NKD2: variants seen among roughly 807,000 people sequenced by gnomAD.
The protein encoded by NKD2 is protein naked cuticle homolog 2.
A neutral mutation model predicts 34.8 loss-of-function variants in NKD2; 43 were observed. That is an observed-to-expected ratio of 1.24 (90% CI 0.97 to 1.60). The LOEUF (loss-of-function observed/expected upper bound fraction) is 1.60. NKD2 is among the 40% of genes most tolerant of loss of function. NKD2 has a pLI of 0.00. For synonymous variants in NKD2, 278 were observed against 265.1 expected (o/e 1.05, Z -0.47); for missense variants, 675 against 627.1 (o/e 1.08, Z -0.82).
At chr5:1,029,949 G>A (rs1259439729) in intron 3 of NKD2, among the ~76,000 whole-genome samples, 1 of 151,798 alleles carries the variant, frequency 6.6e-6, no homozygotes, top group Non-Finnish European at 1.5e-5. Flanking sequence ...CACCATGCAG[G>A]AGGCCTGAGC....
At chr5:1,015,686 C>T (rs1306600566) in intron 3 of NKD2, among the ~76,000 whole-genome samples, 1 of 152,210 alleles carries the variant, frequency 6.6e-6, no homozygotes, top group African/African-American at 2.4e-5. Flanking sequence ...CGGTCCTGCC[C>T]GCACATGCTG....
At chr5:1,037,619 G>T (rs1394099241) in intron 9 of NKD2, 186 bp from the exon 10 acceptor site, 67 of 1,535,790 alleles carry the variant, frequency 4.4e-5, no homozygotes, top group Non-Finnish European at 5.6e-5. Flanking sequence ...AGCCAGGCAG[G>T]TCACCCACAG....
rs1312961590 is a variant in NKD2 at position 1,008,820 on chromosome 5, G to T, written c.-238G>T. Reference sequence around the variant, plus strand: ...CGCGCTCAGAGGGAGCCGGGCCGCCGTCGCTGCCGCCGCTGTCCCCGCGCC... The same window carrying T: ...CGCGCTCAGAGGGAGCCGGGCCGCCTTCGCTGCCGCCGCTGTCCCCGCGCC... On this transcript the variant is annotated 5_prime_UTR_variant, in exon 1 of 10. Coordinates refer to ENST00000296849, the MANE Select transcript of NKD2 (RefSeq NM_033120.4). 8.0e-6 allele frequency: 2 copies of T among 250,344 alleles called. No individual in the cohort carries two copies. Among genetic ancestry groups the T allele is most frequent in the Non-Finnish European group, 1.5e-5 (2 of 133,290 alleles). The allele number at this position is 250,344 out of a possible 1,614,324, so 15.5% of individuals were successfully genotyped here. A position where few individuals can be genotyped will look rare whatever the true frequency, so the allele number is the denominator to read the frequency against.
chr5:1,020,456 C>G (rs1014874527), intron 3 of NKD2, among the ~76,000 whole-genome samples: 2 of 152,120 alleles, frequency 1.3e-5, no homozygotes, highest in African/African-American at 4.8e-5. Flanking sequence ...TCAGCCTCAG[C>G]CACACCTAGC....
intron 3 of NKD2, among the ~76,000 whole-genome samples, chr5:1,026,496 A>C (rs1393166857): frequency 9.9e-6 from 1 of 100,590 alleles, no homozygotes. Flanking sequence ...TGGGCGTCTC[A>C]GCCCATTGTC....
chr5:1,035,362 T>G (rs199764725), intron 7 of NKD2, 27 bp from the exon 8 acceptor site: 52 of 1,528,792 alleles, frequency 3.4e-5, no homozygotes, highest in South Asian at 4.8e-5. Flanking sequence ...AGGGAGGGAG[T>G]GAGTAATGGC....
At chr5:1,018,947 G>A (rs2150731616) in intron 3 of NKD2, among the ~76,000 whole-genome samples, 1 of 152,314 alleles carries the variant, frequency 6.6e-6, no homozygotes, top group Middle Eastern at 3.4e-3. Context: ...GGGGCATCTA[G>A]GGGAGCAGCA....
intron 3 of NKD2, among the ~76,000 whole-genome samples, chr5:1,031,696 C>T (rs779144090): frequency 7.9e-5 from 12 of 152,278 alleles, no homozygotes; most frequent in African/African-American, 2.2e-4. Flanking sequence ...TGGTCTCGGC[C>T]GGCAGCCCTA....
At chr5:1,020,725 G>T (rs532484366) in intron 3 of NKD2, among the ~76,000 whole-genome samples, 13 of 151,092 alleles carry the variant, frequency 8.6e-5, no homozygotes, top group African/African-American at 3.2e-4. Flanking sequence ...TATTTCATGG[G>T]CAGGGCAGCC....
At chr5:1,012,362 G>A (rs1579244601) in intron 3 of NKD2, among the ~76,000 whole-genome samples, 1 of 152,362 alleles carries the variant, frequency 6.6e-6, no homozygotes, top group Non-Finnish European at 1.5e-5. Flanking sequence ...GGCCTGCACG[G>A]GGGGCTCTTG....
chr5:1,027,696 C>T (rs975522854), intron 3 of NKD2, among the ~76,000 whole-genome samples: 39 of 152,336 alleles, frequency 2.6e-4, no homozygotes, highest in African/African-American at 8.4e-4. Context: ...TGTGGACACC[C>T]GTGTGTTTCC....
chr5:1,021,620 A>G (rs1364203620), intron 3 of NKD2, among the ~76,000 whole-genome samples: 1 of 151,934 alleles, frequency 6.6e-6, no homozygotes, highest in African/African-American at 2.4e-5. Flanking sequence ...CTGTTTAGCC[A>G]TTGAAACCGA....
At position 1,009,545 on chromosome 5, in the gene NKD2, C is replaced by T; in HGVS notation, c.126C>T (p.Arg42=). The T allele has an allele frequency of 2.7e-6, 4 of 1,491,438 alleles. No homozygotes were observed. Among genetic ancestry groups the T allele is most frequent in the Non-Finnish European group, 3.5e-6 (4 of 1,129,574 alleles). 92.4% of individuals were successfully genotyped at this position (1,491,438 alleles called of 1,614,324 possible). A position where few individuals can be genotyped will look rare whatever the true frequency, so the allele number is the denominator to read the frequency against. ...AAGGCGCGGAGGAAGCGGAGCGGCG[C>T]GCGCGGGACAAGCAGGTAGGCGGCG... ...GRKGAEEAER[R]ARDKQELPNG... is the part of the protein sequence containing the mutation. Residue 42 remains arginine (R), a synonymous_variant, in exon 3 of 10, where the codon CGC becomes CGT. Coordinates refer to ENST00000296849, the MANE Select transcript of NKD2 (RefSeq NM_033120.4). The surrounding 1 kb of genome is among the most constrained non-coding windows in gnomAD (Gnocchi z 6.9).
chr5:1,030,017 G>GT (rs1227080789), intron 3 of NKD2, among the ~76,000 whole-genome samples: 3 of 142,692 alleles, frequency 2.1e-5, no homozygotes, highest in Non-Finnish European at 3.2e-5. Flanking sequence ...TTGTGGTGCG[G>GT]GGGGGGGGGT....
rs1440997007 is a variant in NKD2, at chr5:1,033,504, G to T, written c.330+5G>T. 26 of 1,546,810 alleles carry T rather than the reference G, an allele frequency of 1.7e-5. No individual in the cohort carries two copies. Among genetic ancestry groups the T allele is most frequent in the Non-Finnish European group, 2.2e-5 (25 of 1,144,582 alleles). On this transcript the variant is annotated splice_donor_5th_base_variant and intron_variant, in intron 5 of 9. Coordinates refer to ENST00000296849, the MANE Select transcript of NKD2 (RefSeq NM_033120.4). ...GGGCAGCGCCTCAACATTGACGTGG[G>T]TCTCTCTCCGGCCTCACTTGCGGGA... is the stretch of plus-strand genomic sequence containing the variant.
Position 1,020,221 on chromosome 5 carries a change from A to C in NKD2, c.141+10661A>C, listed in dbSNP as rs79511921. 4.2e-3 allele frequency among the ~76,000 whole-genome samples: 644 copies of C among 152,304 alleles called. 4 individuals are homozygous for C. Among genetic ancestry groups the C allele is most frequent in the Admixed American group, 6.9e-3 (105 of 15,302 alleles). ...ATGCTGAGAGTTGAAGGCAGGGAATAAAGTTTCGGCAGAGTTTATGATCAC... is the reference window on the plus strand; with the variant it reads ...ATGCTGAGAGTTGAAGGCAGGGAATCAAGTTTCGGCAGAGTTTATGATCAC... On this transcript the variant is annotated intron_variant, in intron 3 of 9. Coordinates refer to ENST00000296849, the MANE Select transcript of NKD2 (RefSeq NM_033120.4).
intron 3 of NKD2, among the ~76,000 whole-genome samples, chr5:1,021,150 T>C (rs1756159395): frequency 6.6e-6 from 1 of 152,174 alleles, no homozygotes; most frequent in Non-Finnish European, 1.5e-5. Context: ...ACCCCAAAGT[T>C]ACTGCTTTTC....
At chr5:1,027,447 C>T (rs531057791) in intron 3 of NKD2, among the ~76,000 whole-genome samples, 44 of 152,316 alleles carry the variant, frequency 2.9e-4, no homozygotes, top group African/African-American at 9.4e-4. Flanking sequence ...CTGCCCGACA[C>T]GCCCACCCAG....
rs1192425654 is a variant in NKD2, at chr5:1,028,755, C to T, written c.142-3397C>T. ...ACAGGTTGGGGGATCACAGGAGGGT[C>T]TCGCTAGGGACAGGGCCAGAGGGAT... On this transcript the variant is annotated intron_variant, in intron 3 of 9. Transcript: ENST00000296849. Among the ~76,000 whole-genome samples, 6 of 151,676 alleles carry T rather than the reference C, an allele frequency of 4.0e-5. No individual in the cohort carries two copies. In the East Asian group the frequency reaches 9.8e-4, roughly 25 times the overall value.
Sources: allele counts gnomAD v4.1 joint callset (sites outside exome capture counted in the v4.1 genomes callset), GRCh38; gene constraint gnomAD v4.1.1; non-coding constraint Gnocchi (gnomAD v3.1); transcripts MANE v1.5; gene names NCBI Gene and HGNC (gene_info 2026-07-23, HGNC 2026-07-21).